Variants in P2RX6 observed in about 807,000 individuals in gnomAD.
P2RX6 encodes the protein P2X purinoceptor 6.
P2RX6 carries 62 observed loss-of-function variants against 54.2 expected under a neutral mutation model. The observed-to-expected ratio is 1.14, with a 90% CI of 0.93 to 1.41. The LOEUF (loss-of-function observed/expected upper bound fraction) is 1.41. P2RX6 is among the 40% of genes most tolerant of loss of function. The pLI is 0.00. For missense variants in P2RX6, 541 were observed against 566.3 expected (o/e 0.96, Z 0.45); for synonymous variants, 211 against 231.9 (o/e 0.91, Z 0.82).
At position 21,026,443 on chromosome 22, in the gene P2RX6, C is replaced by T. The variant is rs146315304; in HGVS notation, c.1152C>T (p.Ala384=). ...AGGCCAAGGCCCCGAAAGCAACCGC[C>T]AACTCTGTGTGGAGGGAGCTGGCCC... The part of the protein sequence containing the change: ...YEEAKAPKAT[A]NSVWRELALA... Residue 384 remains alanine, a synonymous_variant, in exon 12 of 12, where the codon GCC becomes GCT. Transcript: ENST00000413302. The surrounding 1 kb of genome is among the most constrained non-coding windows in gnomAD (Gnocchi z 4.0). 1.6e-4 allele frequency: 259 copies of T among 1,603,112 alleles called. No individual in the cohort carries two copies. In the African/African-American group the frequency reaches 3.3e-3, roughly 20 times the overall value.
At chr22:21,017,319 C>G (rs1926566153) in intron 2 of P2RX6, among the ~76,000 whole-genome samples, 1 of 152,244 alleles carries the variant, frequency 6.6e-6, no homozygotes, top group African/African-American at 2.4e-5. Context: ...CCTTCCTGGG[C>G]ATACATTCCC....
chr22:21,019,994 G>A (rs1054344989), intron 3 of P2RX6, among the ~76,000 whole-genome samples: 2 of 152,148 alleles, frequency 1.3e-5, no homozygotes, highest in African/African-American at 2.4e-5. Context: ...TGTGGGTGTC[G>A]TGGCTATCAC....
chr22:21,014,439 G>A (rs1375073478), upstream of P2RX6: 1 of 152,280 alleles, frequency 6.6e-6, no homozygotes, highest in East Asian at 1.9e-4. Context: ...TGGCTCTCCT[G>A]CGCTGAGGCT....
At chr22:21,011,356 T>C (rs367876552), upstream of P2RX6, 1 of 593,872 alleles carries the variant, frequency 1.7e-6, no homozygotes, top group Non-Finnish European at 3.1e-6. Flanking sequence ...TGAGCTTTCA[T>C]GGCCATGGTG....
intron 3 of P2RX6, 146 bp from the exon 4 acceptor site, chr22:21,022,528 CAG>C (rs1476755296): frequency 1.6e-5 from 9 of 568,218 alleles, no homozygotes; most frequent in Middle Eastern, 3.5e-4. Flanking sequence ...GCCCCACACT[CAG>C]GGTACTCTGG....
intron 3 of P2RX6, 45 bp downstream of exon 3, chr22:21,018,105 T>A (rs1926747459): frequency 2.9e-6 from 4 of 1,403,246 alleles, no homozygotes; most frequent in Non-Finnish European, 4.0e-6. Context: ...TGTTCCTCCA[T>A]CAGCCCCAGG....
Position 21,023,664 on chromosome 22 carries a change from C to T in P2RX6, c.890+46C>T, listed in dbSNP as rs9625356. The T allele has an allele frequency of 0.028, 39,295 of 1,426,552 alleles. 3,131 individuals carry two copies. In the East Asian group the frequency reaches 0.32, roughly 12 times the overall value. The allele number at this position is 1,426,552 out of a possible 1,614,324, so 88.4% of individuals were successfully genotyped here. A position where few individuals can be genotyped will look rare whatever the true frequency, so the allele number is the denominator to read the frequency against. ...GTGCCCAGCTGCTGGGCCCATCGCC[C>T]TCTCACTGTGGCGGCCAGGACAGAC... On this transcript the variant is annotated intron_variant, in intron 8 of 11. Coordinates refer to ENST00000413302, the MANE Select transcript of P2RX6 (RefSeq NM_005446.5).
At position 21,026,165 on chromosome 22, in the gene P2RX6, G is replaced by A. The variant is rs549929045; in HGVS notation, c.1051-87G>A. On this transcript the variant is annotated intron_variant, in intron 10 of 11. Coordinates refer to ENST00000413302, the MANE Select transcript of P2RX6 (RefSeq NM_005446.5). This position sits in a 1 kb window ranked among gnomAD's most constrained non-coding sequence, Gnocchi z 4.0. ...ATGCATGCTGGAGCCTCCGGTGCCT[G>A]CACATTGAGTCTCGGGGTGCAGGCT... 7.2e-6 allele frequency: 11 copies of A among 1,531,932 alleles called. No homozygotes were observed. In the South Asian group the frequency reaches 1.2e-4, roughly 16 times the overall value. The allele number at this position is 1,531,932 out of a possible 1,614,324, so 94.9% of individuals were successfully genotyped here.
At chr22:21,010,611 G>C (rs1925686086), upstream of P2RX6, among the ~76,000 whole-genome samples, 2 of 152,132 alleles carry the variant, frequency 1.3e-5, no homozygotes, top group South Asian at 4.1e-4. Flanking sequence ...ACATCTGCAT[G>C]CCTCACCCAG....
chr22:21,014,684 G>A (rs12157523), upstream of P2RX6, among the ~76,000 whole-genome samples: 838 of 152,270 alleles, frequency 5.5e-3, 10 homozygotes, highest in African/African-American at 0.019. Context: ...CTCACTCTGT[G>A]CCTCTTAGTT....
chr22:21,013,915 G>A (rs1925926757), upstream of P2RX6: 1 of 152,404 alleles, frequency 6.6e-6, no homozygotes, highest in African/African-American at 2.4e-5. Context: ...ATGCCGCCAG[G>A]AGCGCCGAGG....
At chr22:21,019,865 C>G (rs1319972977) in intron 3 of P2RX6, among the ~76,000 whole-genome samples, 2 of 152,286 alleles carry the variant, frequency 1.3e-5, no homozygotes, top group African/African-American at 4.8e-5. Flanking sequence ...GGAGCATGTC[C>G]TTAAATCACA....
upstream of P2RX6, among the ~76,000 whole-genome samples, chr22:21,014,757 T>A (rs2147994924): frequency 6.6e-6 from 1 of 152,248 alleles, no homozygotes; most frequent in African/African-American, 2.4e-5. Context: ...ATCCCCATCT[T>A]TGTCTGCTTG....
At chr22:21,016,133 C>T (rs776482447) in intron 2 of P2RX6, 41 bp downstream of exon 2, 1 of 1,540,020 alleles carries the variant, frequency 6.5e-7, no homozygotes, top group Non-Finnish European at 8.8e-7. Flanking sequence ...CAAGTCCTTT[C>T]CCCACTGACA....
At position 21,019,043 on chromosome 22, in the gene P2RX6, G is replaced by A. The variant is rs376993871; in HGVS notation, c.387+983G>A. Among the ~76,000 whole-genome samples the A allele has an allele frequency of 3.9e-5, 6 of 152,176 alleles. No individual in the cohort carries two copies. The South Asian group carries it at 1.0e-3, about 26-fold the overall frequency. On this transcript the variant is annotated intron_variant, in intron 3 of 11. Transcript: ENST00000413302. ...ACATTTCACCTTTTCCCCTTGCCTG[G>A]GGATGTCCCTGGGATCCTGCATCTG...
Position 21,025,867 on chromosome 22 carries a change from G to T in P2RX6, c.953G>T (p.Gly318Val). The T allele has an allele frequency of 6.4e-7, 1 of 1,574,644 alleles. No homozygotes were observed. Residue 318 changes from glycine (G) to valine (V), a missense_variant, in exon 9 of 12, where the codon GGA becomes GTA. Physicochemically the swap from Gly to Val is moderately radical, Grantham distance 109. Around this residue, in one of 2 missense-constraint regions of P2RX6, gnomAD observed 526 missense variants for 531.5 expected, o/e 0.99. Coordinates refer to ENST00000413302, the MANE Select transcript of P2RX6 (RefSeq NM_005446.5). ...VEARTLLKLY[G>V]IRFDILVTGQ... ...GCCCGCACCCTGCTCAAGCTCTATG[G>T]AATCCGCTTCGACATCCTCGTCACC... is the stretch of plus-strand genomic sequence containing the variant.
At chr22:21,018,127 GT>G in intron 3 of P2RX6, 67 bp downstream of exon 3, 1 of 1,024,352 alleles carries the variant, frequency 9.8e-7, no homozygotes, top group Non-Finnish European at 1.5e-6. Flanking sequence ...GGCCACCCGT[GT>G]TTCCCTTTCC....
upstream of P2RX6, chr22:21,012,791 C>T (rs1925817952): frequency 8.4e-6 from 2 of 238,722 alleles, no homozygotes; most frequent in African/African-American, 2.3e-5. Flanking sequence ...TCCTTTTAGG[C>T]CCCACCTAGG....
At chr22:21,022,306 C>A (rs902235159) in intron 3 of P2RX6, among the ~76,000 whole-genome samples, 1 of 152,146 alleles carries the variant, frequency 6.6e-6, no homozygotes, top group Non-Finnish European at 1.5e-5. Context: ...CCCGGGAGGG[C>A]GAGGCTGTAG....
Sources: gnomAD v4.1 joint callset for allele counts (sites outside exome capture counted in the v4.1 genomes callset) on GRCh38, gnomAD v4.1.1 for gene constraint, gnomAD v4.1.1 regional missense constraint, Gnocchi (gnomAD v3.1) non-coding constraint, MANE v1.5 for transcripts, NCBI Gene and HGNC (gene_info 2026-07-23, HGNC 2026-07-21) for gene names.